Variants in XYLT2 observed in about 807,000 individuals in gnomAD.
XYLT2 encodes xylosyltransferase 2.
A neutral mutation model predicts 82.6 loss-of-function variants in XYLT2; 37 were observed. The ratio of observed to expected loss-of-function variants is 0.45; its 90% CI spans 0.34 to 0.59. The LOEUF (loss-of-function observed/expected upper bound fraction) is 0.59. Ranked by LOEUF, XYLT2 falls within the 20% of genes least tolerant of loss-of-function variation. The pLI is 0.01. For missense variants in XYLT2, 934 were observed against 1,181.3 expected, an observed-to-expected ratio of 0.79 and a Z score of 3.07; for synonymous variants, 474 against 499.0, an observed-to-expected ratio of 0.95 and a Z score of 0.67.
At position 50,355,773 on chromosome 17, in the gene XYLT2, G is replaced by C. The variant is rs755887838; in HGVS notation, c.1089-8G>C. 1.9e-5 allele frequency: 30 copies of C among 1,613,842 alleles called. No homozygotes were observed. Among genetic ancestry groups the C allele is most frequent in the Non-Finnish European group, 2.5e-5 (29 of 1,179,966 alleles). ...GATCCCCAGCCATGGCCTCTCTGCTGCCCACAGGTTCATCAAGAAACAGGG... is the reference window on the plus strand; with the variant it reads ...GATCCCCAGCCATGGCCTCTCTGCTCCCCACAGGTTCATCAAGAAACAGGG... On this transcript the variant is annotated splice_polypyrimidine_tract_variant and splice_region_variant and intron_variant, in intron 5 of 10. Coordinates refer to ENST00000017003, the MANE Select transcript of XYLT2 (RefSeq NM_022167.4).
rs72832454 is a variant in XYLT2 at position 50,355,945 on chromosome 17, C to T, written c.1253C>T (p.Pro418Leu). ...GAGTATGTGGTGTACACAGATGACC[C>T]GCTTGTGGCCCAGCTGCGCCAGTTC... The part of the protein sequence containing the change: ...FVEYVVYTDD[P>L]LVAQLRQFYT... The change falls in exon 6 of 11, where the codon CCG becomes CTG. Residue 418 changes from proline to leucine, a missense_variant. Pro to Leu is a moderately conservative substitution (Grantham distance 98). Around this residue, in one of 3 missense-constraint regions of XYLT2, gnomAD observed 189 missense variants for 320.8 expected, o/e 0.59. Transcript: ENST00000017003. The T allele has an allele frequency of 0.014, 23,199 of 1,614,146 alleles. 311 individuals carry two copies. The highest frequency in any genetic ancestry group is 0.041 in the African/African-American group (3,073 of 75,024).
chr17:50,354,690 C>G (rs1912432262), intron 3 of XYLT2, 107 bp downstream of exon 3: 1 of 1,517,252 alleles, frequency 6.6e-7, no homozygotes, highest in African/African-American at 1.4e-5. Context: ...AGGAGGGAAA[C>G]TGAGGCCCTG....
rs750860845 is a variant in XYLT2 at position 50,360,286 on chromosome 17, A to T, written c.2593A>T (p.Arg865Trp). 15 of 1,586,894 alleles carry T rather than the reference A, an allele frequency of 9.5e-6. No homozygotes were observed. The highest frequency in any genetic ancestry group is 1.1e-5 in the Non-Finnish European group (13 of 1,164,792). The change falls in exon 11 of 11, where the codon AGG becomes TGG. Residue 865 changes from arginine (R) to tryptophan (W), a missense_variant. Arg to Trp is a moderately radical substitution (Grantham distance 101). Coordinates refer to ENST00000017003, the MANE Select transcript of XYLT2 (RefSeq NM_022167.4). ...LGPVKADGRL[R>W] ...GCCTGTCAAAGCAGACGGGCGACTC[A>T]GGTAGCAGGGCCCCAGCCAGTACCC... is the stretch of plus-strand genomic sequence containing the variant.
rs1457671603 is a variant in XYLT2 at position 50,356,755 on chromosome 17, T to C, written c.1727T>C (p.Met576Thr). The change falls in exon 8 of 11, where the codon ATG (methionine) becomes ACG (threonine). Residue 576 changes from methionine (M) to threonine (T), a missense_variant. By Grantham distance (81) the Met-to-Thr change is moderately conservative. Coordinates refer to ENST00000017003, the MANE Select transcript of XYLT2 (RefSeq NM_022167.4). ...CATGCCGCCACTGCTGCACCCCCAATGGGCACCCCACTCTGCAGGTGAGAC... is the reference window on the plus strand; with the variant it reads ...CATGCCGCCACTGCTGCACCCCCAACGGGCACCCCACTCTGCAGGTGAGAC... ...LHHAATAAPP[M>T]GTPLCRFEPR... 5 of 1,604,076 alleles carry C rather than the reference T, an allele frequency of 3.1e-6. No individual in the cohort carries two copies. The highest frequency in any genetic ancestry group is 1.7e-5 in the Admixed American group (1 of 59,974).
chr17:50,355,061 G>C lies in XYLT2; in HGVS notation c.1007+5G>C. On this transcript the variant is annotated splice_donor_5th_base_variant and intron_variant, in intron 4 of 10. Transcript: ENST00000017003. ...TGCCACTGACTATCCAACCAGGTGT[G>C]GGGATGGGGCTCTGAGTCCTCTGCA... 2 of 1,527,380 alleles carry C rather than the reference G, an allele frequency of 1.3e-6. No homozygotes were observed. The highest frequency in any genetic ancestry group is 1.8e-6 in the Non-Finnish European group (2 of 1,138,770). The allele number at this position is 1,527,380 out of a possible 1,614,324, so 94.6% of individuals were successfully genotyped here. A position where few individuals can be genotyped will look rare whatever the true frequency, so the allele number is the denominator to read the frequency against.
At position 50,353,947 on chromosome 17, in the gene XYLT2, C is replaced by G. The variant is rs146157359; in HGVS notation, c.453C>G (p.Pro151=). The change falls in exon 2 of 11, where the codon CCC becomes CCG. Residue 151 remains proline (P), a synonymous_variant. Coordinates refer to ENST00000017003, the MANE Select transcript of XYLT2 (RefSeq NM_022167.4). ...HGDTGSVEGA[P]QPTDNGFTPK... is the part of the protein sequence containing the mutation. ...ATACAGGGAGCGTGGAGGGCGCCCC[C>G]CAGCCCACGGACAATGGCTTCACCC... 45 of 1,606,786 alleles carry G rather than the reference C, an allele frequency of 2.8e-5. No homozygotes were observed. Among genetic ancestry groups the G allele is most frequent in the Admixed American group, 1.5e-4 (9 of 60,000 alleles).
At position 50,355,013 on chromosome 17, in the gene XYLT2, T is replaced by C; in HGVS notation, c.964T>C (p.Trp322Arg). ...RDLLEVPGWA[W>R]DFFINLSATD... is the part of the protein sequence containing the mutation. ...CCTGCTAGAGGTGCCTGGCTGGGCC[T>C]GGGACTTCTTCATCAACCTCAGTGC... Residue 322 changes from tryptophan to arginine, a missense_variant, in exon 4 of 11, where the codon TGG (tryptophan) becomes CGG (arginine). By Grantham distance (101) the Trp-to-Arg change is moderately radical. Around this residue, in one of 3 missense-constraint regions of XYLT2, gnomAD observed 189 missense variants for 320.8 expected, o/e 0.59. Transcript: ENST00000017003. 1 of 1,541,516 alleles carries C rather than the reference T, an allele frequency of 6.5e-7. No individual in the cohort carries two copies. The highest frequency in any genetic ancestry group is 1.3e-5 in the South Asian group (1 of 78,870).
chr17:50,349,276 CAT>C (rs1241876869), intron 1 of XYLT2, among the ~76,000 whole-genome samples: 2 of 152,250 alleles, frequency 1.3e-5, no homozygotes, highest in African/African-American at 4.8e-5. Context: ...AGCCAGCTCA[CAT>C]GTCACCAGGC....
rs187696275 is a variant in XYLT2 at position 50,355,726 on chromosome 17, G to C, written c.1089-55G>C. ...AGTGTTGGTTGCCAGGCGGGTGAAA[G>C]AGCTTAGACCCCACCCTGCAGGATC... is the stretch of plus-strand genomic sequence containing the variant. On this transcript the variant is annotated intron_variant, in intron 5 of 10. Transcript: ENST00000017003. 14 of 1,602,714 alleles carry C rather than the reference G, an allele frequency of 8.7e-6. No individual in the cohort carries two copies. In the Admixed American group the frequency reaches 1.7e-4, roughly 19 times the overall value.
Position 50,355,183 on chromosome 17 carries a change from A to G in XYLT2, c.1007+127A>G. ...ACTCTGGGATCCGCCCTGCTCAGAC[A>G]TGGGCCCCTGGGCCCCAGCTATGTT... On this transcript the variant is annotated intron_variant, in intron 4 of 10. Coordinates refer to ENST00000017003, the MANE Select transcript of XYLT2 (RefSeq NM_022167.4). 3 of 1,078,610 alleles carry G rather than the reference A, an allele frequency of 2.8e-6. No individual in the cohort carries two copies. The Admixed American group carries it at 7.6e-5, about 27-fold the overall frequency. 66.8% of individuals were successfully genotyped at this position (1,078,610 alleles called of 1,614,324 possible).
rs1221421547 is a variant in XYLT2, at chr17:50,346,213, C to T, written c.73C>T (p.Leu25=). 2 of 1,286,538 alleles carry T rather than the reference C, an allele frequency of 1.6e-6. No individual in the cohort carries two copies. The highest frequency in any genetic ancestry group is 2.9e-5 in the South Asian group (2 of 68,378). The allele number at this position is 1,286,538 out of a possible 1,614,324, so 79.7% of individuals were successfully genotyped here. ...KLAIATALAI[L]LLQGLVVWSF... is the part of the protein sequence containing the mutation. ...GGCGATTGCCACGGCGCTGGCCATC[C>T]TGCTGCTGCAGGGCCTGGTAGTGTG... Residue 25 remains leucine, a synonymous_variant, in exon 1 of 11, where the codon CTG becomes TTG. Transcript: ENST00000017003. This position sits in a 1 kb window ranked among gnomAD's most constrained non-coding sequence, Gnocchi z 5.1.
Position 50,348,813 on chromosome 17 carries a change from C to T in XYLT2, c.135+2538C>T, listed in dbSNP as rs191230841. On this transcript the variant is annotated intron_variant, in intron 1 of 10. Transcript: ENST00000017003. The stretch of plus-strand genomic sequence containing the variant: ...GAGGAGAGGAAGGAGCCTCTGAGGC[C>T]AGAATGTATCCCAGCCAGAAGTCAG... Among the ~76,000 whole-genome samples, 10 of 152,316 alleles carry T rather than the reference C, an allele frequency of 6.6e-5. 1 individual carries two copies. The highest frequency in any genetic ancestry group is 2.2e-4 in the African/African-American group (9 of 41,558).
rs768219720 is a variant in XYLT2 at position 50,360,088 on chromosome 17, C to T, written c.2395C>T (p.Arg799Trp). 2.2e-5 allele frequency: 36 copies of T among 1,613,818 alleles called. No individual in the cohort carries two copies. The highest frequency in any genetic ancestry group is 6.6e-5 in the South Asian group (6 of 91,090). ...GGAGCTCGCGGAGGAGGCTGCCCAG[C>T]GGCACACACAGCTCACAGGCCCTGC... Reference protein sequence around the residue: ...QPELAEEAAQRHTQLTGPALE... With the variant: ...QPELAEEAAQWHTQLTGPALE... The change falls in exon 11 of 11, where the codon CGG becomes TGG. Residue 799 changes from arginine to tryptophan, a missense_variant. Transcript: ENST00000017003.
chr17:50,359,181 G>T (rs1912690195), intron 10 of XYLT2: 1 of 152,812 alleles, frequency 6.5e-6, no homozygotes, highest in Admixed American at 6.5e-5. Context: ...GTCTGGCCAG[G>T]TGGGCAGGGT....
intron 1 of XYLT2, among the ~76,000 whole-genome samples, chr17:50,347,377 G>A (rs371965858): frequency 1.3e-5 from 2 of 152,290 alleles, no homozygotes; most frequent in African/African-American, 4.8e-5. Context: ...AGCTGCCCTT[G>A]CCTTTTTTTG....
In XYLT2 at chr17:50,360,373, G is replaced by GA. The variant is rs921011352; in HGVS notation, c.*84dup. The GA allele has an allele frequency of 9.6e-6, 14 of 1,451,672 alleles. No homozygotes were observed. The Admixed American group carries it at 3.4e-4, about 35-fold the overall frequency. 89.9% of individuals were successfully genotyped at this position (1,451,672 alleles called of 1,614,324 possible). A position where few individuals can be genotyped will look rare whatever the true frequency, so the allele number is the denominator to read the frequency against. ...GAGGGGTGTCCCCTCCCACAGGCAA[G>GA]AACCAGAGGCCCAGGCTGCACACCC... On this transcript the variant is annotated 3_prime_UTR_variant, in exon 11 of 11. Transcript: ENST00000017003.
Position 50,356,523 on chromosome 17 carries a change from C to T in XYLT2, c.1495C>T (p.Pro499Ser). ...TCTCCCACTCCAGCAAGTCTCCAGACCCACCTTCTTCGCCCGGAAGTTCGA... is the reference window on the plus strand; with the variant it reads ...TCTCCCACTCCAGCAAGTCTCCAGATCCACCTTCTTCGCCCGGAAGTTCGA... ...DFLRLQQVSR[P>S]TFFARKFEST... The change falls in exon 8 of 11, where the codon CCC becomes TCC. Residue 499 changes from proline (P) to serine (S), a missense_variant. Physicochemically the swap from Pro to Ser is moderately conservative, Grantham distance 74 (BLOSUM62 -1). This residue lies in a region of XYLT2 where 189 missense variants were observed against 320.8 expected (regional missense o/e 0.59). Transcript: ENST00000017003. 6.2e-7 allele frequency: 1 copy of T among 1,614,078 alleles called. No homozygotes were observed. Among genetic ancestry groups the T allele is most frequent in the Non-Finnish European group, 8.5e-7 (1 of 1,179,996 alleles).
intron 1 of XYLT2, among the ~76,000 whole-genome samples, chr17:50,348,970 G>A (rs1912147330): frequency 6.6e-6 from 1 of 152,190 alleles, no homozygotes; most frequent in Non-Finnish European, 1.5e-5. Flanking sequence ...GGATGGAGGT[G>A]GGGGCTGACT....
At position 50,353,945 on chromosome 17, in the gene XYLT2, C is replaced by G; in HGVS notation, c.451C>G (p.Pro151Ala). The change falls in exon 2 of 11, where the codon CCC becomes GCC. Residue 151 changes from proline to alanine, a missense_variant. Transcript: ENST00000017003. ...AGATACAGGGAGCGTGGAGGGCGCCCCCCAGCCCACGGACAATGGCTTCAC... is the reference window on the plus strand; with the variant it reads ...AGATACAGGGAGCGTGGAGGGCGCCGCCCAGCCCACGGACAATGGCTTCAC... ...HGDTGSVEGAPQPTDNGFTPK... is the reference protein window; with the variant it reads ...HGDTGSVEGAAQPTDNGFTPK... 1 of 1,606,880 alleles carries G rather than the reference C, an allele frequency of 6.2e-7. No individual in the cohort carries two copies. Among genetic ancestry groups the G allele is most frequent in the Non-Finnish European group, 8.5e-7 (1 of 1,179,864 alleles).
Sources: gnomAD v4.1 joint callset for allele counts (sites outside exome capture counted in the v4.1 genomes callset) on GRCh38, gnomAD v4.1.1 for gene constraint, gnomAD v4.1.1 regional missense constraint, Gnocchi (gnomAD v3.1) non-coding constraint, MANE v1.5 for transcripts, NCBI Gene and HGNC (gene_info 2026-07-23, HGNC 2026-07-21) for gene names.